IL1RL1: variants seen among roughly 807,000 people sequenced by gnomAD.
IL1RL1 encodes the protein interleukin-1 receptor-like 1.
A neutral mutation model predicts 50.9 loss-of-function variants in IL1RL1; 32 were observed. The ratio of observed to expected loss-of-function variants is 0.63; its 90% CI spans 0.47 to 0.84. The LOEUF is 0.84. IL1RL1 is among the 40% of genes least tolerant of loss of function. IL1RL1 has a pLI of 0.00. For missense variants in IL1RL1, 773 were observed against 662.9 expected, an observed-to-expected ratio of 1.17 and a Z score of -1.82; for synonymous variants, 275 against 236.0, an observed-to-expected ratio of 1.17 and a Z score of -1.51.
At chr2:102,335,276 G>C (rs981949514) in intron 1 of IL1RL1, among the ~76,000 whole-genome samples, 4 of 152,050 alleles carry the variant, frequency 2.6e-5, no homozygotes, top group African/African-American at 9.7e-5. Flanking sequence ...TTTCAAAGAA[G>C]AAATTATAGA....
intron 9 of IL1RL1, among the ~76,000 whole-genome samples, chr2:102,348,471 AG>A (rs1292705424): frequency 6.6e-6 from 1 of 152,186 alleles, no homozygotes; most frequent in African/African-American, 2.4e-5. Context: ...CAGGTTAGAA[AG>A]GTCCATCGGA....
intron 1 of IL1RL1, among the ~76,000 whole-genome samples, chr2:102,335,723 A>C (rs1468700542): frequency 6.6e-6 from 1 of 152,218 alleles, no homozygotes; most frequent in Non-Finnish European, 1.5e-5. Flanking sequence ...TGAATGCTCC[A>C]ACTTAATACA....
At chr2:102,322,383 T>C (rs1676861256) in intron 1 of IL1RL1, among the ~76,000 whole-genome samples, 1 of 152,226 alleles carries the variant, frequency 6.6e-6, no homozygotes, top group South Asian at 2.1e-4. Flanking sequence ...GAAACTTATC[T>C]AAAAGTTTTG....
At chr2:102,346,121 C>A in intron 8 of IL1RL1, 2 of 913,084 alleles carry the variant, frequency 2.2e-6, no homozygotes, top group South Asian at 5.0e-5. Flanking sequence ...ATGATGAATT[C>A]TTTTTTATTT....
intron 9 of IL1RL1, among the ~76,000 whole-genome samples, 178 bp from the exon 10 acceptor site, chr2:102,348,901 T>C (rs1386774229): frequency 6.6e-6 from 1 of 152,208 alleles, no homozygotes; most frequent in Non-Finnish European, 1.5e-5. Flanking sequence ...AAGACTGTTA[T>C]TTCCTGATAG....
chr2:102,319,281 C>T lies in IL1RL1; in HGVS notation c.-150+7658C>T, dbSNP rs368188828. On this transcript the variant is annotated intron_variant, in intron 1 of 10. Coordinates refer to ENST00000233954, the MANE Select transcript of IL1RL1 (RefSeq NM_016232.5). The stretch of plus-strand genomic sequence containing the variant: ...TATAATCACAAATATATCTCCCTCC[C>T]CTTTGCTAGTGATTGTTACCAAACT... Among the ~76,000 whole-genome samples, 9 of 152,114 alleles carry T rather than the reference C, an allele frequency of 5.9e-5. No individual in the cohort carries two copies. In the East Asian group the frequency reaches 7.7e-4, roughly 13 times the overall value.
At chr2:102,343,587 T>C (rs1559605704) in intron 8 of IL1RL1, 172 bp downstream of exon 8, 2 of 1,490,028 alleles carry the variant, frequency 1.3e-6, no homozygotes, top group Non-Finnish European at 8.9e-7. Flanking sequence ...ACTGTTCCTG[T>C]TTGCTGGGAG....
chr2:102,326,449 G>A (rs1021355510), intron 1 of IL1RL1, among the ~76,000 whole-genome samples: 1 of 151,802 alleles, frequency 6.6e-6, no homozygotes, highest in Non-Finnish European at 1.5e-5. Context: ...ATCAACTAAC[G>A]AGCAAAATAA....
At chr2:102,333,865 A>G (rs1677238024) in intron 1 of IL1RL1, among the ~76,000 whole-genome samples, 1 of 152,096 alleles carries the variant, frequency 6.6e-6, no homozygotes. Context: ...TAACTGGTTC[A>G]CTTAAGATAA....
At chr2:102,314,183 T>C (rs970701920) in intron 1 of IL1RL1, among the ~76,000 whole-genome samples, 7 of 152,230 alleles carry the variant, frequency 4.6e-5, no homozygotes, top group African/African-American at 1.7e-4. Flanking sequence ...CTAAGACTGC[T>C]ATGTGCCAGA....
chr2:102,313,843 G>GTGCGCT, intron 1 of IL1RL1, among the ~76,000 whole-genome samples: 1 of 152,304 alleles, frequency 6.6e-6, no homozygotes, highest in Non-Finnish European at 1.5e-5. Context: ...GTGTGTGTGC[G>GTGCGCT]TGCACTTGCA....
intron 1 of IL1RL1, among the ~76,000 whole-genome samples, chr2:102,326,139 C>T (rs1484638589): frequency 6.6e-6 from 1 of 152,216 alleles, no homozygotes; most frequent in East Asian, 1.9e-4. Flanking sequence ...GCCCATCAGA[C>T]TAAAAGCTGA....
chr2:102,338,284 C>A lies in IL1RL1; in HGVS notation c.20C>A (p.Ala7Glu), dbSNP rs201837678. MGFWILAILTILMYSTA... is the reference protein window; with the variant it reads MGFWILEILTILMYSTA... ...AACAGAATGGGGTTTTGGATCTTAG[C>A]AATTCTCACAATTCTCATGTATTCC... The change falls in exon 2 of 11, where the codon GCA becomes GAA. Residue 7 changes from alanine (A) to glutamate (E), a missense_variant. Transcript: ENST00000233954. 3 of 1,605,234 alleles carry A rather than the reference C, an allele frequency of 1.9e-6. No homozygotes were observed. The highest frequency in any genetic ancestry group is 1.7e-4 in the Middle Eastern group (1 of 6,032).
chr2:102,334,254 TGA>T (rs1228646757), intron 1 of IL1RL1, among the ~76,000 whole-genome samples: 2 of 152,200 alleles, frequency 1.3e-5, no homozygotes, highest in African/African-American at 4.8e-5. Flanking sequence ...TGCTGTTTTT[TGA>T]GTTTTTGATA....
At chr2:102,314,043 A>G (rs1484534157) in intron 1 of IL1RL1, among the ~76,000 whole-genome samples, 1 of 152,206 alleles carries the variant, frequency 6.6e-6, no homozygotes, top group Non-Finnish European at 1.5e-5. Context: ...GAATGGAGAA[A>G]TGGGGTGATG....
At chr2:102,323,612 T>A (rs2104966220) in intron 1 of IL1RL1, among the ~76,000 whole-genome samples, 1 of 152,120 alleles carries the variant, frequency 6.6e-6, no homozygotes, top group South Asian at 2.1e-4. Context: ...TGCTAAGTTC[T>A]TTTTAACAGC....
At position 102,349,229 on chromosome 2, in the gene IL1RL1, A is replaced by C; in HGVS notation, c.1268A>C (p.Asp423Ala). 1 of 1,613,716 alleles carries C rather than the reference A, an allele frequency of 6.2e-7. No homozygotes were observed. Among genetic ancestry groups the C allele is most frequent in the South Asian group, 1.1e-5 (1 of 91,074 alleles). ...CGYTLCIYGR[D>A]MLPGEDVVTA... ...TATACCTTATGCATTTATGGGAGAG[A>C]TATGCTACCTGGAGAAGGTAAAGCT... Residue 423 changes from aspartate (D) to alanine (A), a missense_variant, in exon 10 of 11, where the codon GAT (aspartate) becomes GCT (alanine). By Grantham distance (126) the Asp-to-Ala change is moderately radical. Transcript: ENST00000233954.
At chr2:102,341,453 T>A (rs1269372587) in intron 5 of IL1RL1, 2 of 600,390 alleles carry the variant, frequency 3.3e-6, no homozygotes, top group Admixed American at 1.1e-4. Context: ...AGCTTATCAA[T>A]CTACAAAGGA....
At chr2:102,328,036 G>A (rs2104971543) in intron 1 of IL1RL1, among the ~76,000 whole-genome samples, 1 of 152,222 alleles carries the variant, frequency 6.6e-6, no homozygotes, top group African/African-American at 2.4e-5. Flanking sequence ...ACCAAAGCCT[G>A]GCAGAGACAC....
Sources: gnomAD v4.1 joint callset for allele counts (sites outside exome capture counted in the v4.1 genomes callset) on GRCh38, gnomAD v4.1.1 for gene constraint, MANE v1.5 for transcripts, NCBI Gene and HGNC (gene_info 2026-07-23, HGNC 2026-07-21) for gene names.